ZFAT: variants seen among roughly 807,000 people sequenced by gnomAD.
The protein encoded by ZFAT is zinc finger and AT-hook domain containing.
Under a neutral mutation model 117.7 loss-of-function variants are expected in ZFAT, and 64 were observed. That is an observed-to-expected ratio of 0.54 (90% CI 0.44 to 0.67). The LOEUF (loss-of-function observed/expected upper bound fraction) is 0.67, where lower values mean the gene tolerates loss of function less well. Among genes scored for constraint, ZFAT ranks in the 30% least tolerant of loss-of-function variants. The probability of loss-of-function intolerance (pLI) is 0.00; values close to 1 mark genes in which losing one functional copy is unlikely to be tolerated. For synonymous variants in ZFAT, 679 were observed against 615.0 expected (o/e 1.10, Z -1.54); for missense variants, 1,433 against 1,584.5 (o/e 0.90, Z 1.62).
intron 1 of ZFAT, among the ~76,000 whole-genome samples, chr8:134,680,638 C>T (rs1833030600): frequency 6.6e-6 from 1 of 152,042 alleles, no homozygotes; most frequent in Admixed American, 6.5e-5. Flanking sequence ...AAACTATACA[C>T]AACACACTGC....
At chr8:134,812,116 C>T in the ZFAT span, among the ~76,000 whole-genome samples, 23 of 152,078 alleles carry the variant, frequency 1.5e-4, no homozygotes, top group South Asian at 4.6e-3. Context: ...TGCACTGCAG[C>T]CTGGGCGACA....
At chr8:134,620,215 C>T (rs1829020640) in intron 3 of ZFAT, among the ~76,000 whole-genome samples, 1 of 152,234 alleles carries the variant, frequency 6.6e-6, no homozygotes, top group South Asian at 2.1e-4. Flanking sequence ...TTCTCACCCA[C>T]CTCTCTCTGA....
At chr8:134,584,144 G>A in intron 9 of ZFAT, 139 bp from the exon 10 acceptor site, 1 of 990,002 alleles carries the variant, frequency 1.0e-6, no homozygotes, top group Admixed American at 2.8e-5. Flanking sequence ...GAACACAGCA[G>A]TATACTTGCT....
At chr8:134,754,257 G>T in the ZFAT span, among the ~76,000 whole-genome samples, 1 of 152,204 alleles carries the variant, frequency 6.6e-6, no homozygotes, top group African/African-American at 2.4e-5. Context: ...TGCCCGAGCA[G>T]AACTATGTTT....
chr8:134,662,081 T>C (rs937300454), intron 1 of ZFAT, among the ~76,000 whole-genome samples: 24 of 152,178 alleles, frequency 1.6e-4, no homozygotes, highest in Middle Eastern at 3.2e-3. Context: ...AAGTCTGAGA[T>C]AGAGGCATTG....
At chr8:134,505,162 A>G (rs1211016041) in intron 15 of ZFAT, among the ~76,000 whole-genome samples, 1 of 152,212 alleles carries the variant, frequency 6.6e-6, no homozygotes, top group Non-Finnish European at 1.5e-5. Flanking sequence ...TTACATGTAT[A>G]TGGATTGGCT....
chr8:134,486,249 G>A (rs951744131), intron 15 of ZFAT, among the ~76,000 whole-genome samples: 15 of 151,788 alleles, frequency 9.9e-5, no homozygotes, highest in Non-Finnish European at 1.9e-4. Context: ...GTGCCCTCCC[G>A]CAAGCCTGTG....
At chr8:134,794,822 T>C in the ZFAT span, 2 of 152,352 alleles carry the variant, frequency 1.3e-5, no homozygotes, top group African/African-American at 4.8e-5. Flanking sequence ...ATACACATCA[T>C]GTGATTTGGT....
At chr8:134,644,021 C>G (rs1280457818) in intron 2 of ZFAT, among the ~76,000 whole-genome samples, 1 of 152,226 alleles carries the variant, frequency 6.6e-6, no homozygotes, top group Non-Finnish European at 1.5e-5. Flanking sequence ...ACATAGACAT[C>G]AACTTCCCCT....
intron 12 of ZFAT, among the ~76,000 whole-genome samples, chr8:134,522,544 A>G (rs971651671): frequency 6.6e-6 from 1 of 152,002 alleles, no homozygotes; most frequent in South Asian, 2.1e-4. Flanking sequence ...GCCTACCCCT[A>G]ACTATGCTCC....
the ZFAT span, among the ~76,000 whole-genome samples, chr8:134,778,214 T>C: frequency 2.6e-5 from 4 of 152,204 alleles, no homozygotes; most frequent in Non-Finnish European, 4.4e-5. Context: ...ATCATTTTTC[T>C]TTTGCTGTTT....
Position 134,688,528 on chromosome 8 carries a change from C to T in ZFAT, c.19+24317G>A, listed in dbSNP as rs538354955. 3.3e-5 allele frequency among the ~76,000 whole-genome samples: 5 copies of T among 152,024 alleles called. No homozygotes were observed. In the South Asian group the frequency reaches 6.2e-4, roughly 19 times the overall value. ...CAAGAACTGAGAAAAGAAAGAGCCA[C>T]GAGAAAGGGGAGAAGGAAGGTGGAG... On this transcript the variant is annotated intron_variant, in intron 1 of 15. Coordinates refer to ENST00000377838, the MANE Select transcript of ZFAT (RefSeq NM_020863.4).
chr8:134,734,216 A>G, the ZFAT span, among the ~76,000 whole-genome samples: 3 of 152,356 alleles, frequency 2.0e-5, no homozygotes, highest in East Asian at 3.9e-4. Flanking sequence ...CCACCACTTC[A>G]GGATACTCTG....
At chr8:134,782,782 TCTTTTTCTTTATAAATTAC>T in the ZFAT span, among the ~76,000 whole-genome samples, 3 of 132,586 alleles carry the variant, frequency 2.3e-5, no homozygotes, top group Admixed American at 2.1e-4. Flanking sequence ...CCATTAAACC[TCTTTTTCTTTATAAATTAC>T]CCAGTCTCGG....
intron 11 of ZFAT, among the ~76,000 whole-genome samples, chr8:134,548,570 T>C (rs1460875306): frequency 1.3e-5 from 2 of 152,234 alleles, no homozygotes; most frequent in Non-Finnish European, 2.9e-5. Flanking sequence ...TTCATTATAC[T>C]ATTTTCTCTA....
chr8:134,713,545 TGA>T (rs969671143), upstream of ZFAT, among the ~76,000 whole-genome samples: 73 of 152,296 alleles, frequency 4.8e-4, no homozygotes, highest in African/African-American at 1.7e-3. Flanking sequence ...TACAGAGCAC[TGA>T]GCGGCCTACG....
intron 5 of ZFAT, 99 bp from the exon 6 acceptor site, chr8:134,603,032 GAAC>G: frequency 1.3e-6 from 2 of 1,489,280 alleles, no homozygotes; most frequent in African/African-American, 1.4e-5. Context: ...GCTGAAAAGT[GAAC>G]AAAACTGGAC....
At chr8:134,611,093 C>G (rs1263832917) in intron 3 of ZFAT, among the ~76,000 whole-genome samples, 5 of 152,250 alleles carry the variant, frequency 3.3e-5, no homozygotes, top group Non-Finnish European at 5.9e-5. Flanking sequence ...TGATAAGGTA[C>G]AGACCCTGCT....
chr8:134,595,600 A>G (rs1826866944), intron 7 of ZFAT, among the ~76,000 whole-genome samples: 1 of 152,176 alleles, frequency 6.6e-6, no homozygotes, highest in Non-Finnish European at 1.5e-5. Context: ...CCCCCTTTAT[A>G]AAGTTTGCAC....
Sources: allele counts gnomAD v4.1 joint callset (sites outside exome capture counted in the v4.1 genomes callset), GRCh38; gene constraint gnomAD v4.1.1; transcripts MANE v1.5; gene names NCBI Gene and HGNC (gene_info 2026-07-23, HGNC 2026-07-21).